PHF21A: variants seen among roughly 807,000 people sequenced by gnomAD.
PHF21A encodes the protein PHD finger protein 21A.
PHF21A carries 11 observed loss-of-function variants against 82.5 expected under a neutral mutation model. That is an observed-to-expected ratio of 0.13 (90% confidence interval 0.08 to 0.22). PHF21A has a LOEUF of 0.22. Ranked by LOEUF, PHF21A falls within the 10% of genes least tolerant of loss-of-function variation. The pLI, the probability that PHF21A is intolerant of heterozygous loss-of-function variation, is 1.00. For synonymous variants in PHF21A, 297 were observed against 302.8 expected (o/e 0.98, Z 0.20); for missense variants, 579 against 837.8 (o/e 0.69, Z 3.81).
At chr11:45,981,940 CTTTTTTTTTTTTTTT>C (rs754937092) in intron 6 of PHF21A, among the ~76,000 whole-genome samples, 2 of 78,270 alleles carry the variant, frequency 2.6e-5, no homozygotes, top group Non-Finnish European at 2.3e-5. Flanking sequence ...TTTTGTTTTT[CTTTTTTTTTTTTTTT>C]TTTTTTTTTT....
chr11:45,981,827 T>C (rs1340142442), intron 6 of PHF21A, among the ~76,000 whole-genome samples: 1 of 152,080 alleles, frequency 6.6e-6, no homozygotes, highest in Non-Finnish European at 1.5e-5. Context: ...TTTAACATAT[T>C]TGAACATTAA....
intron 9 of PHF21A, 83 bp from the exon 10 acceptor site, chr11:45,965,691 G>A: frequency 9.7e-7 from 1 of 1,034,130 alleles, no homozygotes; most frequent in Non-Finnish European, 1.4e-6. Flanking sequence ...CTCTATGTAT[G>A]AAATGGTGTT....
rs1193169133 is a variant in PHF21A, at chr11:46,094,036, A to G, written c.-236-1813T>C. Among the ~76,000 whole-genome samples, 3 of 152,348 alleles carry G rather than the reference A, an allele frequency of 2.0e-5. No homozygotes were observed. In the South Asian group the frequency reaches 6.2e-4, roughly 32 times the overall value. On this transcript the variant is annotated intron_variant, in intron 1 of 18. Coordinates refer to ENST00000676320, the MANE Select transcript of PHF21A (RefSeq NM_001352027.3). ...AAGGTAAACCACAGAATCGGAGGTGATAATTATATTACGTATAATCAACAC... is the reference window on the plus strand; with the variant it reads ...AAGGTAAACCACAGAATCGGAGGTGGTAATTATATTACGTATAATCAACAC...
intron 6 of PHF21A, among the ~76,000 whole-genome samples, chr11:46,062,240 T>C (rs2096544182): frequency 6.6e-6 from 1 of 152,140 alleles, no homozygotes. Context: ...TGGAATTATA[T>C]GCCCTTCGGT....
At chr11:46,006,596 G>C (rs906318816) in intron 6 of PHF21A, among the ~76,000 whole-genome samples, 3 of 152,236 alleles carry the variant, frequency 2.0e-5, no homozygotes, top group African/African-American at 7.2e-5. Context: ...AGAGGATGAA[G>C]TTATGCCTTA....
chr11:46,109,342 A>G (rs1477265164), intron 1 of PHF21A, among the ~76,000 whole-genome samples: 3 of 152,240 alleles, frequency 2.0e-5, no homozygotes, highest in African/African-American at 2.4e-5. Context: ...AGCACTATAC[A>G]TAATAAACAC....
intron 6 of PHF21A, among the ~76,000 whole-genome samples, chr11:46,043,094 A>G (rs1354407800): frequency 1.3e-5 from 2 of 152,062 alleles, no homozygotes; most frequent in African/African-American, 4.8e-5. Flanking sequence ...CTGAAATTTT[A>G]ATTTTGTGAG....
rs1291928907 is a variant in PHF21A at position 45,930,648 on chromosome 11, G to T, written c.*3320C>A. On this transcript the variant is annotated 3_prime_UTR_variant, in exon 19 of 19. Transcript: ENST00000676320. ...GGATGCAGCGCCTGGACAGGAGCTG[G>T]CAGGGGACTCCCAGTCATCACTGCC... The T allele has an allele frequency of 1.3e-5, 2 of 152,358 alleles. No homozygotes were observed. The highest frequency in any genetic ancestry group is 2.9e-5 in the Non-Finnish European group (2 of 68,148). 9.4% of individuals were successfully genotyped at this position (152,358 alleles called of 1,614,324 possible). A position where few individuals can be genotyped will look rare whatever the true frequency, so the allele number is the denominator to read the frequency against.
At chr11:46,093,069 T>G (rs957411102) in intron 1 of PHF21A, among the ~76,000 whole-genome samples, 21 of 152,308 alleles carry the variant, frequency 1.4e-4, no homozygotes, top group African/African-American at 5.1e-4. Flanking sequence ...TCTTACCACT[T>G]TAGATTGTAA....
intron 6 of PHF21A, among the ~76,000 whole-genome samples, chr11:46,011,311 A>C (rs751476620): frequency 2.6e-5 from 4 of 152,130 alleles, no homozygotes; most frequent in Non-Finnish European, 5.9e-5. Flanking sequence ...CAACATGGTA[A>C]AACCCTGTCT....
chr11:45,947,320 A>C (rs1438949842), intron 14 of PHF21A, among the ~76,000 whole-genome samples: 1 of 152,196 alleles, frequency 6.6e-6, no homozygotes, highest in Non-Finnish European at 1.5e-5. Flanking sequence ...CAAAGGAAAA[A>C]AAAGGGCCAG....
intron 6 of PHF21A, among the ~76,000 whole-genome samples, chr11:46,070,895 T>C (rs1273279556): frequency 6.6e-6 from 1 of 152,224 alleles, no homozygotes; most frequent in Non-Finnish European, 1.5e-5. Context: ...GAGTGCTTTT[T>C]TCCCCTGTGA....
chr11:46,046,792 T>C (rs973561824), intron 6 of PHF21A, among the ~76,000 whole-genome samples: 5 of 152,208 alleles, frequency 3.3e-5, no homozygotes, highest in African/African-American at 1.2e-4. Context: ...GCCTTCACTC[T>C]GTGAAGAGTG....
chr11:45,990,340 C>A (rs1323565863), intron 6 of PHF21A, among the ~76,000 whole-genome samples: 1 of 149,192 alleles, frequency 6.7e-6, no homozygotes, highest in African/African-American at 2.5e-5. Flanking sequence ...CTCACTGCAG[C>A]CTTGACTTCC....
At chr11:46,047,715 A>C (rs1171770006) in intron 6 of PHF21A, among the ~76,000 whole-genome samples, 3 of 152,212 alleles carry the variant, frequency 2.0e-5, no homozygotes, top group Non-Finnish European at 4.4e-5. Context: ...TACTTGCTCT[A>C]CCATTTCTTG....
intron 10 of PHF21A, among the ~76,000 whole-genome samples, chr11:45,958,888 A>C (rs2092903689): frequency 1.3e-5 from 2 of 152,206 alleles, no homozygotes; most frequent in Non-Finnish European, 2.9e-5. Flanking sequence ...ACTACACTCC[A>C]GTCTGGGTAA....
chr11:46,038,114 TTCTCTC>T (rs536982768), intron 6 of PHF21A, among the ~76,000 whole-genome samples: 1 of 151,790 alleles, frequency 6.6e-6, no homozygotes, highest in Non-Finnish European at 1.5e-5. Context: ...ATACTCCTAT[TTCTCTC>T]TCTCTCTCTT....
chr11:45,971,350 A>G lies in PHF21A; in HGVS notation c.378T>C (p.Ala126=), dbSNP rs1351547033. Residue 126 remains alanine (A), a synonymous_variant, in exon 8 of 19, where the codon GCT becomes GCC. Coordinates refer to ENST00000676320, the MANE Select transcript of PHF21A (RefSeq NM_001352027.3). The part of the protein sequence containing the change: ...LTASQKTVTT[A]SMITTKTLPL... ...GTAGTGTCTTTGTGGTAATCATAGA[A>G]GCTGTAGTTACAGTCTTCTAGGAGA... 6.2e-7 allele frequency: 1 copy of G among 1,614,144 alleles called. No homozygotes were observed. Among genetic ancestry groups the G allele is most frequent in the Non-Finnish European group, 8.5e-7 (1 of 1,179,988 alleles).
chr11:46,101,234 T>C (rs1247899278), intron 1 of PHF21A, among the ~76,000 whole-genome samples: 1 of 152,226 alleles, frequency 6.6e-6, no homozygotes, highest in Non-Finnish European at 1.5e-5. Flanking sequence ...ACTAAGTTAG[T>C]GGTGGCTCAG....
Sources: gnomAD v4.1 joint callset for allele counts (sites outside exome capture counted in the v4.1 genomes callset) on GRCh38, gnomAD v4.1.1 for gene constraint, MANE v1.5 for transcripts, NCBI Gene and HGNC (gene_info 2026-07-23, HGNC 2026-07-21) for gene names.